RSPO2: variants seen among roughly 807,000 people sequenced by gnomAD.
RSPO2 encodes R-spondin 2.
A neutral mutation model predicts 30.9 loss-of-function variants in RSPO2; 14 were observed. The ratio of observed to expected loss-of-function variants is 0.45; its 90% CI spans 0.30 to 0.71. The LOEUF is 0.71. Among genes scored for constraint, RSPO2 ranks in the 30% least tolerant of loss-of-function variants. RSPO2 has a pLI of 0.08. For synonymous variants in RSPO2, 107 were observed against 96.4 expected, an observed-to-expected ratio of 1.11 and a Z score of -0.64; for missense variants, 264 against 301.9, an observed-to-expected ratio of 0.87 and a Z score of 0.93.
chr8:107,938,028 G>A (rs1027039749), intron 5 of RSPO2, among the ~76,000 whole-genome samples: 3 of 152,004 alleles, frequency 2.0e-5, no homozygotes, highest in African/African-American at 7.2e-5. Flanking sequence ...CAGCATAAAA[G>A]TGCTGTATCA....
At chr8:108,003,309 ATATTTTT>A (rs1228042791) in intron 2 of RSPO2, among the ~76,000 whole-genome samples, 1,539 of 16,840 alleles carry the variant, frequency 0.091, 30 homozygotes, top group African/African-American at 0.28. Flanking sequence ...ATATATATAT[ATATTTTT>A]TTTTTTTTTT....
At chr8:108,002,318 C>T (rs1256750694) in intron 2 of RSPO2, among the ~76,000 whole-genome samples, 1 of 152,092 alleles carries the variant, frequency 6.6e-6, no homozygotes, top group Non-Finnish European at 1.5e-5. Flanking sequence ...TAGAAGAAAA[C>T]AAACTGCTCA....
At chr8:108,055,571 G>A (rs562309916) in intron 2 of RSPO2, among the ~76,000 whole-genome samples, 43 of 152,296 alleles carry the variant, frequency 2.8e-4, no homozygotes, top group African/African-American at 9.9e-4. Context: ...AGCCGACTTA[G>A]AAGAAAAGGA....
intron 2 of RSPO2, among the ~76,000 whole-genome samples, chr8:108,062,713 T>G (rs1210779566): frequency 6.6e-6 from 1 of 151,814 alleles, no homozygotes; most frequent in African/African-American, 2.4e-5. Flanking sequence ...TATCAAAGTC[T>G]GGCAGAGACA....
chr8:108,021,697 T>C (rs951438701), intron 2 of RSPO2, among the ~76,000 whole-genome samples: 4 of 151,542 alleles, frequency 2.6e-5, no homozygotes, highest in African/African-American at 9.7e-5. Context: ...GAAAAAATGA[T>C]GTCATAAGTG....
At chr8:108,058,735 CA>C (rs1243975920) in intron 2 of RSPO2, among the ~76,000 whole-genome samples, 4 of 151,768 alleles carry the variant, frequency 2.6e-5, no homozygotes, top group Non-Finnish European at 4.4e-5. Context: ...CTGAGAAAAA[CA>C]AGCAATGGGG....
At chr8:107,915,436 C>G (rs1036248116) in intron 5 of RSPO2, among the ~76,000 whole-genome samples, 1 of 152,096 alleles carries the variant, frequency 6.6e-6, no homozygotes, top group African/African-American at 2.4e-5. Context: ...TCAGTTGACT[C>G]TCCCTGACTA....
chr8:107,949,041 G>A (rs1563534484), intron 5 of RSPO2, among the ~76,000 whole-genome samples: 1 of 150,246 alleles, frequency 6.7e-6, no homozygotes, highest in Non-Finnish European at 1.5e-5. Context: ...ATAGTTTTTG[G>A]GGAACAGGTG....
chr8:107,974,530 G>C (rs1586592226), intron 3 of RSPO2, among the ~76,000 whole-genome samples: 1 of 152,022 alleles, frequency 6.6e-6, no homozygotes, highest in East Asian at 1.9e-4. Context: ...AAGAAAGAAA[G>C]AGACAGAGAA....
intron 5 of RSPO2, among the ~76,000 whole-genome samples, chr8:107,917,233 C>G (rs1353174789): frequency 6.6e-6 from 1 of 152,010 alleles, no homozygotes; most frequent in Non-Finnish European, 1.5e-5. Context: ...GCCTGTAATC[C>G]CAGCACTTAG....
At chr8:108,035,598 G>A (rs1811569786) in intron 2 of RSPO2, among the ~76,000 whole-genome samples, 1 of 152,122 alleles carries the variant, frequency 6.6e-6, no homozygotes, top group Admixed American at 6.5e-5. Context: ...AGCCTCCCGA[G>A]TAGCTGGGAC....
chr8:107,919,569 T>A (rs1292600821), intron 5 of RSPO2, among the ~76,000 whole-genome samples: 1 of 152,172 alleles, frequency 6.6e-6, no homozygotes. Context: ...ATGCTTGAGA[T>A]ATTTTGCAGA....
chr8:108,037,328 T>C (rs780030498), intron 2 of RSPO2, among the ~76,000 whole-genome samples: 3 of 152,222 alleles, frequency 2.0e-5, no homozygotes, highest in Non-Finnish European at 4.4e-5. Flanking sequence ...AACATTCCTT[T>C]AAGCCAAAGC....
chr8:107,942,026 C>G (rs140801699), intron 5 of RSPO2, among the ~76,000 whole-genome samples: 261 of 152,210 alleles, frequency 1.7e-3, no homozygotes, highest in African/African-American at 5.8e-3. Flanking sequence ...TCTGTGCCAG[C>G]CTTTGAGGGT....
At chr8:108,024,263 C>T (rs371883106) in intron 2 of RSPO2, among the ~76,000 whole-genome samples, 7 of 152,100 alleles carry the variant, frequency 4.6e-5, no homozygotes, top group South Asian at 2.1e-4. Flanking sequence ...TTATTCTTTG[C>T]GGTCTGCACC....
chr8:108,042,615 T>C (rs763308807), intron 2 of RSPO2, among the ~76,000 whole-genome samples: 10 of 152,156 alleles, frequency 6.6e-5, no homozygotes, highest in Non-Finnish European at 1.3e-4. Flanking sequence ...GTGATTAACA[T>C]AGCTGACAGC....
intron 2 of RSPO2, among the ~76,000 whole-genome samples, chr8:108,009,521 A>G (rs919971140): frequency 6.6e-6 from 1 of 152,222 alleles, no homozygotes; most frequent in African/African-American, 2.4e-5. Context: ...ATCCTATTTT[A>G]AAAAGTCACA....
intron 2 of RSPO2, among the ~76,000 whole-genome samples, chr8:108,011,148 A>G (rs12550338): frequency 5.8e-4 from 82 of 140,556 alleles, no homozygotes; most frequent in Admixed American, 4.0e-3. Flanking sequence ...AAAAAAAAAA[A>G]AAAGAAAGAA....
chr8:107,924,072 G>A (rs1366299912), intron 5 of RSPO2, among the ~76,000 whole-genome samples: 7 of 148,618 alleles, frequency 4.7e-5, no homozygotes, highest in East Asian at 2.1e-4. Context: ...AAAGTTGCAC[G>A]TGTACCCCTG....
Sources: allele counts gnomAD v4.1 joint callset (sites outside exome capture counted in the v4.1 genomes callset), GRCh38; gene constraint gnomAD v4.1.1; transcripts MANE v1.5; gene names NCBI Gene and HGNC (gene_info 2026-07-23, HGNC 2026-07-21).